CLMN: variants seen among roughly 807,000 people sequenced by gnomAD.
CLMN encodes the protein calmin, also known as calmin (calponin-like, transmembrane).
In CLMN, 57 loss-of-function variants were observed where a neutral mutation model predicts 92.7. The observed-to-expected ratio is 0.61, with a 90% CI of 0.50 to 0.77. The LOEUF (loss-of-function observed/expected upper bound fraction) is 0.77. CLMN is among the 30% of genes least tolerant of loss of function. CLMN has a pLI of 0.00. For missense variants in CLMN, 1,158 were observed against 1,237.5 expected (o/e 0.94, Z 0.96); for synonymous variants, 466 against 470.6 (o/e 0.99, Z 0.13).
At chr14:95,309,535 C>A (rs1017103557) in intron 1 of CLMN, among the ~76,000 whole-genome samples, 1 of 152,248 alleles carries the variant, frequency 6.6e-6, no homozygotes, top group African/African-American at 2.4e-5. Context: ...CACCATGACA[C>A]AACGACACCA....
At chr14:95,258,270 TGTGGGG>T (rs1899087738) in intron 1 of CLMN, among the ~76,000 whole-genome samples, 1 of 150,182 alleles carries the variant, frequency 6.7e-6, no homozygotes, top group African/African-American at 2.5e-5. Context: ...ATCTGTGACA[TGTGGGG>T]GCGTGTGTGT....
intron 1 of CLMN, among the ~76,000 whole-genome samples, chr14:95,291,052 C>T (rs1020319578): frequency 1.3e-5 from 2 of 152,234 alleles, no homozygotes; most frequent in Non-Finnish European, 2.9e-5. Context: ...TCCGAGCTGA[C>T]CACGCTCTTC....
At chr14:95,240,011 T>C (rs944298334) in intron 1 of CLMN, among the ~76,000 whole-genome samples, 4 of 152,226 alleles carry the variant, frequency 2.6e-5, no homozygotes, top group Non-Finnish European at 5.9e-5. Context: ...TGTGTTACAA[T>C]TACCTGCAGT....
intron 1 of CLMN, among the ~76,000 whole-genome samples, chr14:95,264,671 G>A (rs558833541): frequency 6.6e-6 from 1 of 152,312 alleles, no homozygotes; most frequent in African/African-American, 2.4e-5. Flanking sequence ...CAGTGTGATG[G>A]TTACTTTTAT....
chr14:95,228,991 AGAG>A (rs1478317902), intron 2 of CLMN, among the ~76,000 whole-genome samples: 1 of 152,194 alleles, frequency 6.6e-6, no homozygotes, highest in Non-Finnish European at 1.5e-5. Context: ...GAACCTTTTA[AGAG>A]GAGAAGAGAG....
Position 95,194,379 on chromosome 14 carries a change from T to C in CLMN, c.2769+157A>G. ...GCCCAAACCGGATATCCGATCGGAC[T>C]GTGCTTAATGATAAGGTTCCAATCT... On this transcript the variant is annotated intron_variant, in intron 11 of 12. Coordinates refer to ENST00000298912, the MANE Select transcript of CLMN (RefSeq NM_024734.4). The surrounding 1 kb of genome is among the most constrained non-coding windows in gnomAD (Gnocchi z 4.0). The C allele has an allele frequency of 6.7e-7, 1 of 1,481,570 alleles. No individual in the cohort carries two copies. Among genetic ancestry groups the C allele is most frequent in the South Asian group, 1.4e-5 (1 of 71,766 alleles). The allele number at this position is 1,481,570 out of a possible 1,614,324, so 91.8% of individuals were successfully genotyped here.
chr14:95,194,463 T>C lies in CLMN; in HGVS notation c.2769+73A>G. On this transcript the variant is annotated intron_variant, in intron 11 of 12. Transcript: ENST00000298912. The surrounding 1 kb of genome is among the most constrained non-coding windows in gnomAD (Gnocchi z 4.0). Reference sequence around the variant, plus strand: ...TGCCAGTAATTTCAAAGCTCTGGGCTGGGGAGGAGGAAGGATGGAAAGGAA... The same window carrying C: ...TGCCAGTAATTTCAAAGCTCTGGGCCGGGGAGGAGGAAGGATGGAAAGGAA... The C allele has an allele frequency of 1.2e-6, 2 of 1,611,178 alleles. No individual in the cohort carries two copies. Among genetic ancestry groups the C allele is most frequent in the Non-Finnish European group, 8.5e-7 (1 of 1,178,100 alleles).
At chr14:95,245,183 TATATATATATA>T (rs1251925642) in intron 1 of CLMN, among the ~76,000 whole-genome samples, 13 of 42,224 alleles carry the variant, frequency 3.1e-4, no homozygotes, top group African/African-American at 9.0e-4. Context: ...ATTATATATA[TATATATATATA>T]ATATATATAT....
intron 1 of CLMN, among the ~76,000 whole-genome samples, chr14:95,243,012 T>C (rs1006308932): frequency 3.3e-5 from 5 of 152,324 alleles, no homozygotes; most frequent in African/African-American, 1.2e-4. Flanking sequence ...CTATGGTCTT[T>C]GTCATATAGA....
intron 1 of CLMN, among the ~76,000 whole-genome samples, chr14:95,234,783 T>C (rs1021541537): frequency 4.6e-5 from 7 of 152,274 alleles, no homozygotes; most frequent in East Asian, 3.9e-4. Context: ...CACTTGAAAA[T>C]GGGAGGTGGG....
intron 12 of CLMN, chr14:95,193,477 G>T: frequency 9.3e-7 from 1 of 1,079,964 alleles, no homozygotes; most frequent in Non-Finnish European, 1.3e-6. Flanking sequence ...GGGCCACACA[G>T]CCTCACAAGA....
chr14:95,265,147 G>A (rs1176816906), intron 1 of CLMN, among the ~76,000 whole-genome samples: 1 of 151,892 alleles, frequency 6.6e-6, no homozygotes, highest in African/African-American at 2.4e-5. Context: ...GGAGGGTGAG[G>A]CTGAGAGGGT....
Position 95,259,567 on chromosome 14 carries a change from C to T in CLMN, c.83-29434G>A, listed in dbSNP as rs112813043. On this transcript the variant is annotated intron_variant, in intron 1 of 12. Transcript: ENST00000298912. The surrounding 1 kb of genome is among the most constrained non-coding windows in gnomAD (Gnocchi z 4.3). ...AGCTGCTGGGAGCAGGCCAGGGAAA[C>T]GAGATCTTGATCTGTTTGGGAATCC... 7.9e-5 allele frequency among the ~76,000 whole-genome samples: 12 copies of T among 152,104 alleles called. No individual in the cohort carries two copies. The highest frequency in any genetic ancestry group is 2.7e-4 in the African/African-American group (11 of 41,426).
At chr14:95,234,280 G>C (rs778454609) in intron 1 of CLMN, among the ~76,000 whole-genome samples, 4 of 152,136 alleles carry the variant, frequency 2.6e-5, no homozygotes, top group Admixed American at 6.5e-5. Context: ...CCGTCCCCAG[G>C]GTCCCCCAGC....
At chr14:95,251,824 G>A (rs1306082207) in intron 1 of CLMN, among the ~76,000 whole-genome samples, 2 of 152,150 alleles carry the variant, frequency 1.3e-5, no homozygotes, top group Admixed American at 1.3e-4. Flanking sequence ...GAGCCTAGTG[G>A]TTTTCTGAGA....
intron 1 of CLMN, among the ~76,000 whole-genome samples, chr14:95,234,115 G>C (rs974545064): frequency 6.6e-6 from 1 of 152,186 alleles, no homozygotes; most frequent in Non-Finnish European, 1.5e-5. Context: ...GGGCGACCTT[G>C]GGCACACTTG....
intron 2 of CLMN, among the ~76,000 whole-genome samples, chr14:95,225,536 T>A (rs1595591915): frequency 6.6e-6 from 1 of 152,350 alleles, no homozygotes; most frequent in East Asian, 1.9e-4. Context: ...AGCCTTGGGA[T>A]GCCCTCCTCA....
rs1337651456 is a variant in CLMN, at chr14:95,182,590, C to CT, written c.*8973dup. ...CATTCCCTCCCCACAGCTACCGCCC[C>CT]TACCCCAGGGACATTCTACACAAAC... On this transcript the variant is annotated 3_prime_UTR_variant, in exon 13 of 13. Transcript: ENST00000298912. 1 of 152,104 alleles carries CT rather than the reference C, an allele frequency of 6.6e-6. No individual in the cohort carries two copies. The highest frequency in any genetic ancestry group is 1.5e-5 in the Non-Finnish European group (1 of 68,048). 9.4% of individuals were successfully genotyped at this position (152,104 alleles called of 1,614,324 possible).
chr14:95,226,067 C>T (rs1018476858), intron 2 of CLMN, among the ~76,000 whole-genome samples: 2 of 152,180 alleles, frequency 1.3e-5, no homozygotes, highest in Non-Finnish European at 2.9e-5. Flanking sequence ...CAGCTGATCC[C>T]ACTGCACCCG....
Sources: gnomAD v4.1 joint callset for allele counts (sites outside exome capture counted in the v4.1 genomes callset) on GRCh38, gnomAD v4.1.1 for gene constraint, Gnocchi (gnomAD v3.1) non-coding constraint, MANE v1.5 for transcripts, NCBI Gene and HGNC (gene_info 2026-07-23, HGNC 2026-07-21) for gene names.